STX8: variants seen among roughly 807,000 people sequenced by gnomAD.
STX8 encodes syntaxin-8.
A neutral mutation model predicts 37.5 loss-of-function variants in STX8; 23 were observed. The ratio of observed to expected loss-of-function variants is 0.61; its 90% CI spans 0.44 to 0.87. The LOEUF (loss-of-function observed/expected upper bound fraction) is 0.87. Ranked by LOEUF, STX8 falls within the 40% of genes least tolerant of loss-of-function variation. The pLI is 0.00. For missense variants in STX8, 313 were observed against 284.7 expected, an observed-to-expected ratio of 1.10 and a Z score of -0.71; for synonymous variants, 115 against 99.1, an observed-to-expected ratio of 1.16 and a Z score of -0.95.
chr17:9,351,793 C>A (rs1910714491), intron 7 of STX8, among the ~76,000 whole-genome samples: 1 of 152,102 alleles, frequency 6.6e-6, no homozygotes, highest in Non-Finnish European at 1.5e-5. Flanking sequence ...CTTATAGTGT[C>A]TGTTGATGTC....
In STX8 at chr17:9,415,496, GTGCGGTGGCTCACTCC is replaced by G. The variant is rs1347525433; in HGVS notation, c.542-36859_542-36844del. 2.0e-5 allele frequency among the ~76,000 whole-genome samples: 3 copies of G among 152,064 alleles called. No individual in the cohort carries two copies. In the East Asian group the frequency reaches 5.8e-4, roughly 30 times the overall value. On this transcript the variant is annotated intron_variant, in intron 6 of 7. Transcript: ENST00000306357. ...TACAAAAGCAATGGCTTTTCGGCGGGTGCGGTGGCTCACTCCTGTAATCCCAGCACTTTGGGAGGCC... is the reference window on the plus strand; with the variant it reads ...TACAAAAGCAATGGCTTTTCGGCGGGTGTAATCCCAGCACTTTGGGAGGCC...
At chr17:9,496,392 C>G (rs1462095123) in intron 5 of STX8, among the ~76,000 whole-genome samples, 1 of 152,068 alleles carries the variant, frequency 6.6e-6, no homozygotes, top group Non-Finnish European at 1.5e-5. Context: ...TACTTTCTTA[C>G]CAACAAAACT....
At chr17:9,454,223 T>C (rs1039371446) in intron 6 of STX8, among the ~76,000 whole-genome samples, 9 of 152,256 alleles carry the variant, frequency 5.9e-5, no homozygotes, top group Non-Finnish European at 2.9e-5. Context: ...CCAAACCCTT[T>C]CTCAATCTGA....
chr17:9,557,778 C>T (rs1907038653), intron 2 of STX8, among the ~76,000 whole-genome samples: 2 of 152,140 alleles, frequency 1.3e-5, no homozygotes, highest in Admixed American at 1.3e-4. Context: ...ACTGGAACCC[C>T]GATACTGACT....
At chr17:9,381,660 A>G (rs148240131) in intron 6 of STX8, among the ~76,000 whole-genome samples, 47 of 152,350 alleles carry the variant, frequency 3.1e-4, no homozygotes, top group African/African-American at 1.1e-3. Context: ...ATACAGCAAG[A>G]TAAAATAAAT....
rs1036070432 is a variant in STX8 at position 9,507,391 on chromosome 17, G to A, written c.324-2229C>T. Among the ~76,000 whole-genome samples, 6 of 152,224 alleles carry A rather than the reference G, an allele frequency of 3.9e-5. No individual in the cohort carries two copies. Among genetic ancestry groups the A allele is most frequent in the South Asian group, 4.2e-4 (2 of 4,814 alleles). The stretch of plus-strand genomic sequence containing the variant: ...CCGAGCAGCCTTGTGTTCATATCCC[G>A]GGTCTGAGAAGCAACTCCTCAGGCC... On this transcript the variant is annotated intron_variant, in intron 4 of 7. Transcript: ENST00000306357. The surrounding 1 kb of genome is among the most constrained non-coding windows in gnomAD (Gnocchi z 4.0).
intron 7 of STX8, among the ~76,000 whole-genome samples, chr17:9,370,855 T>G (rs1597629413): frequency 6.7e-6 from 1 of 150,230 alleles, no homozygotes; most frequent in Non-Finnish European, 1.5e-5. Context: ...TTAATGGAAG[T>G]AACAGATCTG....
At chr17:9,253,834 G>A (rs1269098711) in intron 7 of STX8, among the ~76,000 whole-genome samples, 1 of 152,190 alleles carries the variant, frequency 6.6e-6, no homozygotes, top group Non-Finnish European at 1.5e-5. Flanking sequence ...GAAGAGCGGA[G>A]CAAGTGACAA....
chr17:9,357,324 T>A (rs1910917368), intron 7 of STX8, among the ~76,000 whole-genome samples: 2 of 152,102 alleles, frequency 1.3e-5, no homozygotes, highest in African/African-American at 4.8e-5. Context: ...GTGAAATACC[T>A]AGTATGGTTA....
At chr17:9,420,571 C>T (rs1298374763) in intron 6 of STX8, among the ~76,000 whole-genome samples, 1 of 152,148 alleles carries the variant, frequency 6.6e-6, no homozygotes, top group East Asian at 1.9e-4. Flanking sequence ...CCAACCCCTC[C>T]CTTCTATTAA....
At chr17:9,439,416 A>C (rs1904559051) in intron 6 of STX8, among the ~76,000 whole-genome samples, 1 of 152,224 alleles carries the variant, frequency 6.6e-6, no homozygotes, top group African/African-American at 2.4e-5. Context: ...GGACATTTGT[A>C]AACAATTAAA....
intron 7 of STX8, among the ~76,000 whole-genome samples, chr17:9,312,742 A>G (rs1909236250): frequency 6.6e-6 from 1 of 152,196 alleles, no homozygotes; most frequent in Non-Finnish European, 1.5e-5. Flanking sequence ...GTTACATTAC[A>G]GAGAGGAATT....
chr17:9,470,839 G>A (rs1905820207), intron 6 of STX8, among the ~76,000 whole-genome samples: 1 of 150,596 alleles, frequency 6.6e-6, no homozygotes. Flanking sequence ...CCATTCTCCT[G>A]CCTCAGCCTC....
chr17:9,502,352 TAGAC>T (rs1004296454), intron 5 of STX8, among the ~76,000 whole-genome samples: 1 of 152,094 alleles, frequency 6.6e-6, no homozygotes, highest in African/African-American at 2.4e-5. Context: ...AAATTTCAGT[TAGAC>T]AGAAAGAATA....
At chr17:9,504,929 A>C in intron 5 of STX8, 109 bp downstream of exon 5, 1 of 1,157,976 alleles carries the variant, frequency 8.6e-7, no homozygotes, top group Non-Finnish European at 1.2e-6. Context: ...AGCCAAGATC[A>C]CGCCACTGCA....
intron 6 of STX8, among the ~76,000 whole-genome samples, chr17:9,446,412 A>T (rs1041042670): frequency 6.6e-6 from 1 of 152,268 alleles, no homozygotes; most frequent in East Asian, 1.9e-4. Flanking sequence ...TACAAACATA[A>T]CTGCACCATT....
intron 7 of STX8, among the ~76,000 whole-genome samples, chr17:9,358,353 C>G (rs1910950315): frequency 1.3e-5 from 2 of 150,764 alleles, no homozygotes; most frequent in Admixed American, 6.6e-5. Flanking sequence ...GACCCTGTCT[C>G]TAAACAGAAG....
chr17:9,352,465 AC>A (rs1442302413), intron 7 of STX8, among the ~76,000 whole-genome samples: 1 of 88,190 alleles, frequency 1.1e-5, no homozygotes, highest in Non-Finnish European at 2.1e-5. Context: ...CCTTACTCCC[AC>A]TTTTTTTTTT....
At chr17:9,269,304 C>T (rs913650471) in intron 7 of STX8, among the ~76,000 whole-genome samples, 2 of 152,160 alleles carry the variant, frequency 1.3e-5, no homozygotes, top group Admixed American at 6.5e-5. Context: ...TTGGGGTACA[C>T]GTCCTTCTCC....
Sources: allele counts gnomAD v4.1 joint callset (sites outside exome capture counted in the v4.1 genomes callset), GRCh38; gene constraint gnomAD v4.1.1; non-coding constraint Gnocchi (gnomAD v3.1); transcripts MANE v1.5; gene names NCBI Gene and HGNC (gene_info 2026-07-23, HGNC 2026-07-21).